DOCK2: variants seen among roughly 807,000 people sequenced by gnomAD.
DOCK2 encodes dedicator of cytokinesis protein 2.
Under a neutral mutation model 248.9 loss-of-function variants are expected in DOCK2, and 87 were observed. The ratio of observed to expected loss-of-function variants is 0.35; its 90% CI spans 0.29 to 0.42. The LOEUF is 0.42. Among genes scored for constraint, DOCK2 ranks in the 10% least tolerant of loss-of-function variants. The pLI, the probability that DOCK2 is intolerant of heterozygous loss-of-function variation, is 1.00. For synonymous variants in DOCK2, 805 were observed against 821.6 expected (o/e 0.98, Z 0.35); for missense variants, 1,747 against 2,300.2 (o/e 0.76, Z 4.92).
chr5:169,731,833 A>G (rs1382986830), intron 22 of DOCK2, among the ~76,000 whole-genome samples: 1 of 151,968 alleles, frequency 6.6e-6, no homozygotes, highest in Non-Finnish European at 1.5e-5. Flanking sequence ...GCTTGCCTAT[A>G]TTTGGGGCCT....
At chr5:170,040,932 G>T in intron 36 of DOCK2, 123 bp from the exon 37 acceptor site, 1 of 730,162 alleles carries the variant, frequency 1.4e-6, no homozygotes, top group South Asian at 1.6e-5. Context: ...TGGTTATCCA[G>T]GGAGGAGGAC....
At chr5:169,707,163 T>C (rs1484281521) in intron 14 of DOCK2, among the ~76,000 whole-genome samples, 1 of 152,172 alleles carries the variant, frequency 6.6e-6, no homozygotes, top group African/African-American at 2.4e-5. Flanking sequence ...TGGATCTTGT[T>C]TGGGGGCCAA....
intron 34 of DOCK2, among the ~76,000 whole-genome samples, chr5:170,030,822 G>A (rs115351353): frequency 3.6e-4 from 55 of 152,238 alleles, no homozygotes; most frequent in African/African-American, 1.3e-3. Context: ...CCTCTTTCAG[G>A]GCCTCACTGA....
At chr5:170,042,406 A>G (rs1318470620) in intron 38 of DOCK2, among the ~76,000 whole-genome samples, 2 of 152,162 alleles carry the variant, frequency 1.3e-5, no homozygotes, top group East Asian at 1.9e-4. Flanking sequence ...AGATAGGATG[A>G]TCATAAAGCA....
chr5:170,031,498 A>G (rs1756134443), intron 34 of DOCK2, among the ~76,000 whole-genome samples: 1 of 152,220 alleles, frequency 6.6e-6, no homozygotes, highest in Non-Finnish European at 1.5e-5. Flanking sequence ...ATATTTTCTT[A>G]TGATTCCCAA....
intron 27 of DOCK2, among the ~76,000 whole-genome samples, chr5:169,948,299 A>AG (rs977290432): frequency 6.6e-6 from 1 of 152,098 alleles, no homozygotes; most frequent in African/African-American, 2.4e-5. Flanking sequence ...CGTTTTTTAA[A>AG]AAAAGGTAAA....
intron 27 of DOCK2, among the ~76,000 whole-genome samples, chr5:169,877,272 T>A (rs562545158): frequency 6.6e-6 from 1 of 152,268 alleles, no homozygotes; most frequent in East Asian, 1.9e-4. Context: ...GGGAGTGACA[T>A]GGTCAGATTC....
intron 27 of DOCK2, among the ~76,000 whole-genome samples, chr5:169,888,405 A>C (rs959611195): frequency 6.6e-6 from 1 of 152,128 alleles, no homozygotes; most frequent in East Asian, 1.9e-4. Context: ...TCTTTGCAAC[A>C]CTTTATTCTG....
chr5:169,989,901 C>T (rs1488098837), intron 29 of DOCK2, among the ~76,000 whole-genome samples: 1 of 152,174 alleles, frequency 6.6e-6, no homozygotes, highest in East Asian at 1.9e-4. Context: ...CAAACTACTT[C>T]ACTGAAGCAG....
Position 169,651,580 on chromosome 5 carries a change from G to T in DOCK2, c.44-2823G>T, listed in dbSNP as rs554834756. On this transcript the variant is annotated intron_variant, in intron 1 of 51. Transcript: ENST00000520908. ...ACATTGTGCCTGGTTTTCTTCTGTT[G>T]GAAGCCTCAGTTGCTTCCACCATCC... Among the ~76,000 whole-genome samples the T allele has an allele frequency of 1.3e-4, 20 of 152,268 alleles. No homozygotes were observed. The South Asian group carries it at 4.2e-3, about 32-fold the overall frequency.
chr5:169,745,064 A>G (rs576481568), intron 22 of DOCK2, among the ~76,000 whole-genome samples: 1 of 152,344 alleles, frequency 6.6e-6, no homozygotes, highest in East Asian at 1.9e-4. Context: ...CAGCGTTTTC[A>G]GGCAGCTGTG....
chr5:169,674,213 C>A, intron 5 of DOCK2, 84 bp from the exon 6 acceptor site: 1 of 1,545,628 alleles, frequency 6.5e-7, no homozygotes, highest in Non-Finnish European at 8.8e-7. Flanking sequence ...CTTGACCACA[C>A]TCACCTGACT....
intron 26 of DOCK2, among the ~76,000 whole-genome samples, chr5:169,814,266 G>A (rs750483158): frequency 6.6e-6 from 1 of 152,156 alleles, no homozygotes; most frequent in Admixed American, 6.5e-5. Context: ...CACTGAGAAG[G>A]ACTCTACATC....
At chr5:169,956,210 A>G (rs757325708) in intron 27 of DOCK2, among the ~76,000 whole-genome samples, 21 of 152,224 alleles carry the variant, frequency 1.4e-4, no homozygotes, top group Non-Finnish European at 2.6e-4. Context: ...ATCCTGGTTG[A>G]GCAAGTGCTA....
rs185040850 is a variant in DOCK2 at position 169,862,840 on chromosome 5, G to A, written c.2799+21988G>A. On this transcript the variant is annotated intron_variant, in intron 27 of 51. Transcript: ENST00000520908. The stretch of plus-strand genomic sequence containing the variant: ...TTGCAGTGGGGTAGGTACATCCCAC[G>A]AACACACAGGATTCTGTGCTCTGCA... 5.3e-5 allele frequency among the ~76,000 whole-genome samples: 8 copies of A among 152,322 alleles called. No individual in the cohort carries two copies. In the South Asian group the frequency reaches 1.2e-3, roughly 24 times the overall value.
chr5:169,873,291 A>G (rs1056107924), intron 27 of DOCK2, among the ~76,000 whole-genome samples: 2 of 152,246 alleles, frequency 1.3e-5, no homozygotes, highest in African/African-American at 2.4e-5. Flanking sequence ...GTTGGGACTC[A>G]GAGAAATTTT....
intron 27 of DOCK2, among the ~76,000 whole-genome samples, chr5:169,863,972 C>T (rs1186720463): frequency 6.6e-6 from 1 of 152,078 alleles, no homozygotes; most frequent in African/African-American, 2.4e-5. Flanking sequence ...GGGTTTTGCT[C>T]GTGGTGGGAA....
chr5:170,005,932 C>T (rs1204435951), intron 30 of DOCK2, among the ~76,000 whole-genome samples: 1 of 152,100 alleles, frequency 6.6e-6, no homozygotes, highest in Non-Finnish European at 1.5e-5. Flanking sequence ...ATACCTATTT[C>T]CCATGTACCT....
At chr5:169,732,867 A>T (rs908489691) in intron 22 of DOCK2, among the ~76,000 whole-genome samples, 1 of 152,202 alleles carries the variant, frequency 6.6e-6, no homozygotes, top group African/African-American at 2.4e-5. Context: ...GCATCTATAA[A>T]TATAGAACAT....
Sources: allele counts gnomAD v4.1 joint callset (sites outside exome capture counted in the v4.1 genomes callset), GRCh38; gene constraint gnomAD v4.1.1; transcripts MANE v1.5; gene names NCBI Gene and HGNC (gene_info 2026-07-23, HGNC 2026-07-21).